The following TULP2 variants were observed in gnomAD, a reference collection of about 807,000 sequenced individuals.
TULP2 encodes the protein tubby-related protein 2.
Under a neutral mutation model 60.3 loss-of-function variants are expected in TULP2, and 64 were observed. That is an observed-to-expected ratio of 1.06 (90% CI 0.87 to 1.31). The LOEUF (loss-of-function observed/expected upper bound fraction) is 1.31, where lower values mean the gene tolerates loss of function less well. Among genes scored for constraint, TULP2 ranks in the 50% most tolerant of loss-of-function variants. The probability of loss-of-function intolerance (pLI) is 0.00; values close to 1 mark genes in which losing one functional copy is unlikely to be tolerated. For missense variants in TULP2, 652 were observed against 667.0 expected, an observed-to-expected ratio of 0.98 and a Z score of 0.25; for synonymous variants, 267 against 265.4, an observed-to-expected ratio of 1.01 and a Z score of -0.06.
Position 48,897,210 on chromosome 19 carries a change from T to C in TULP2, c.84+135A>G, listed in dbSNP as rs1194202052. 5.0e-6 allele frequency: 5 copies of C among 999,506 alleles called. No homozygotes were observed. In the African/African-American group the frequency reaches 8.1e-5, roughly 16 times the overall value. 61.9% of individuals were successfully genotyped at this position (999,506 alleles called of 1,614,324 possible). ...CGGCCCCAAATTCCTATTTTCTCAT[T>C]TCTCAGTGGGAAAACTCAAGGATGA... On this transcript the variant is annotated intron_variant, in intron 3 of 12. Coordinates refer to ENST00000221399, the MANE Select transcript of TULP2 (RefSeq NM_003323.3). This position sits in a 1 kb window ranked among gnomAD's most constrained non-coding sequence, Gnocchi z 4.0.
In TULP2 at chr19:48,887,995, C is replaced by T. The variant is rs748922758; in HGVS notation, c.903G>A (p.Leu301=). 5.6e-6 allele frequency: 9 copies of T among 1,614,164 alleles called. 1 individual carries two copies. Among genetic ancestry groups the T allele is most frequent in the Non-Finnish European group, 7.6e-6 (9 of 1,179,994 alleles). Residue 301 remains leucine (L), a synonymous_variant, in exon 8 of 13, where the codon TTG becomes TTA. Transcript: ENST00000221399. ...CCAGGTAGAGGTAGTAGAGGGGGAA[C>T]AAGCCCTTGTCCACGCCGTGCTTGT... is the stretch of plus-strand genomic sequence containing the variant. ...TRDKHGVDKG[L]FPLYYLYLET...
At chr19:48,894,090 T>C (rs536831598) in intron 6 of TULP2, among the ~76,000 whole-genome samples, 3 of 152,050 alleles carry the variant, frequency 2.0e-5, no homozygotes, top group East Asian at 3.9e-4. Context: ...TGGAGTACAG[T>C]GGCATGATCT....
chr19:48,894,450 G>A (rs551926354), intron 6 of TULP2, among the ~76,000 whole-genome samples: 3 of 152,182 alleles, frequency 2.0e-5, no homozygotes, highest in South Asian at 2.1e-4. Context: ...AGACCAGTCC[G>A]GCCAGCATGG....
chr19:48,883,218 CAAAA>C (rs1284152622), intron 11 of TULP2, among the ~76,000 whole-genome samples: 2 of 93,994 alleles, frequency 2.1e-5, no homozygotes, highest in Non-Finnish European at 2.2e-5. Context: ...GACTCTGTCT[CAAAA>C]AAAAAAAAAA....
In TULP2 at chr19:48,887,931, T is replaced by C. The variant is rs2123275613; in HGVS notation, c.948+19A>G. 6.2e-7 allele frequency: 1 copy of C among 1,600,562 alleles called. No individual in the cohort carries two copies. The highest frequency in any genetic ancestry group is 8.5e-7 in the Non-Finnish European group (1 of 1,169,928). On this transcript the variant is annotated intron_variant, in intron 8 of 12. Coordinates refer to ENST00000221399, the MANE Select transcript of TULP2 (RefSeq NM_003323.3). ...AGGTGGGGGCTTACTCCCAAAGCTG[T>C]TGGGCTGGCTTACTGCACCTGCAGG...
At position 48,895,190 on chromosome 19, in the gene TULP2, A is replaced by G. The variant is rs1378028998; in HGVS notation, c.350-28T>C. ...GAGGAAGGAAGGAGGGGAGAGTTGG[A>G]TTTCTGGATGCTGCAGGAGGAGGCG... On this transcript the variant is annotated intron_variant, in intron 5 of 12. Transcript: ENST00000221399. 6 of 1,608,430 alleles carry G rather than the reference A, an allele frequency of 3.7e-6. No individual in the cohort carries two copies. The African/African-American group carries it at 6.7e-5, about 18-fold the overall frequency.
Position 48,897,418 on chromosome 19 carries a change from G to C in TULP2, c.33-22C>G. 1 of 1,613,064 alleles carries C rather than the reference G, an allele frequency of 6.2e-7. No homozygotes were observed. The highest frequency in any genetic ancestry group is 8.5e-7 in the Non-Finnish European group (1 of 1,179,566). ...GATGCTGAGAGAGACACAGGCCCAT[G>C]GTGACAGTGCACAGGGAACCTCGGT... On this transcript the variant is annotated intron_variant, in intron 2 of 12. Transcript: ENST00000221399. The surrounding 1 kb of genome is among the most constrained non-coding windows in gnomAD (Gnocchi z 4.0).
chr19:48,895,260 T>A lies in TULP2; in HGVS notation c.350-98A>T. 5.1e-6 allele frequency: 8 copies of A among 1,573,212 alleles called. No homozygotes were observed. In the South Asian group the frequency reaches 9.5e-5, roughly 19 times the overall value. On this transcript the variant is annotated intron_variant, in intron 5 of 12. Coordinates refer to ENST00000221399, the MANE Select transcript of TULP2 (RefSeq NM_003323.3). ...TGGTGTGAGGAAGGAGTGGGTGCGG[T>A]CCTGAGCTCCTGAGTATTTTGGACA...
At chr19:48,887,311 C>CTTTTTTTTGTTTTT (rs2037189010) in intron 8 of TULP2, among the ~76,000 whole-genome samples, 1 of 39,330 alleles carries the variant, frequency 2.5e-5, no homozygotes. Flanking sequence ...GCGCCCAGCC[C>CTTTTTTTTGTTTTT]TTTTTTTTTT....
intron 11 of TULP2, among the ~76,000 whole-genome samples, chr19:48,883,324 G>A (rs2037151778): frequency 6.6e-6 from 1 of 151,852 alleles, no homozygotes; most frequent in South Asian, 2.1e-4. Context: ...AATCCACCTC[G>A]TTTAGCATAT....
chr19:48,897,392 G>C lies in TULP2; in HGVS notation c.37C>G (p.Leu13Val). ...QDNDTLMRDI[L>V]GHELAAMRLQ... ...CTCATAGCAGCGAGCTCATGCCCCA[G>C]GATGCTGAGAGAGACACAGGCCCAT... Residue 13 changes from leucine (L) to valine (V), a missense_variant, in exon 3 of 13, where the codon CTG (leucine) becomes GTG (valine). Physicochemically the swap from Leu to Val is conservative, Grantham distance 32. Coordinates refer to ENST00000221399, the MANE Select transcript of TULP2 (RefSeq NM_003323.3). The surrounding 1 kb of genome is among the most constrained non-coding windows in gnomAD (Gnocchi z 4.0). 1 of 1,613,714 alleles carries C rather than the reference G, an allele frequency of 6.2e-7. No homozygotes were observed.
chr19:48,884,115 G>T (rs2037159267), intron 9 of TULP2, 69 bp from the exon 10 acceptor site: 1 of 1,250,926 alleles, frequency 8.0e-7, no homozygotes, highest in South Asian at 1.2e-5. Flanking sequence ...GTCACTCATC[G>T]CATCGACTCT....
intron 11 of TULP2, 131 bp from the exon 12 acceptor site, chr19:48,882,334 G>T: frequency 1.0e-6 from 1 of 957,822 alleles, no homozygotes; most frequent in Non-Finnish European, 1.5e-6. Context: ...GATGAGACCT[G>T]CTGGGCTGCG....
chr19:48,897,776 G>T lies in TULP2; in HGVS notation c.32+61C>A. 2 of 1,561,932 alleles carry T rather than the reference G, an allele frequency of 1.3e-6. No individual in the cohort carries two copies. The highest frequency in any genetic ancestry group is 2.2e-5 in the East Asian group (1 of 44,480). On this transcript the variant is annotated intron_variant, in intron 2 of 12. Coordinates refer to ENST00000221399, the MANE Select transcript of TULP2 (RefSeq NM_003323.3). This position sits in a 1 kb window ranked among gnomAD's most constrained non-coding sequence, Gnocchi z 4.0. ...CAAACATGGTTATGAAGCCAGAGCCGAGTGCACGGGGTCCCCAGCCCTTTC... is the reference window on the plus strand; with the variant it reads ...CAAACATGGTTATGAAGCCAGAGCCTAGTGCACGGGGTCCCCAGCCCTTTC...
At chr19:48,898,039 C>G (rs969425687) in intron 1 of TULP2, among the ~76,000 whole-genome samples, 170 bp from the exon 2 acceptor site, 1 of 152,156 alleles carries the variant, frequency 6.6e-6, no homozygotes, top group Admixed American at 6.6e-5. Flanking sequence ...GTGGCGCCAT[C>G]TCGGCCACTG....
intron 12 of TULP2, 55 bp from the exon 13 acceptor site, chr19:48,881,181 C>T (rs980564267): frequency 3.6e-5 from 30 of 843,584 alleles, no homozygotes; most frequent in Admixed American, 2.2e-4. Context: ...CTCCCAGCTT[C>T]GAGAACTGAG....
At position 48,889,575 on chromosome 19, in the gene TULP2, G is replaced by T; in HGVS notation, c.571C>A (p.Pro191Thr). The T allele has an allele frequency of 6.3e-7, 1 of 1,587,930 alleles. No individual in the cohort carries two copies. The highest frequency in any genetic ancestry group is 8.6e-7 in the Non-Finnish European group (1 of 1,158,536). The part of the protein sequence containing the change: ...SQDMGDAHKS[P>T]NMGPNPGMDG... ...ATTCCAGGGTTTGGTCCCATATTGG[G>T]TGACTTGTGTGCATCTCCCATATCC... The change falls in exon 7 of 13, where the codon CCC becomes ACC. Residue 191 changes from proline (P) to threonine (T), a missense_variant. By Grantham distance (38) the Pro-to-Thr change is conservative. Coordinates refer to ENST00000221399, the MANE Select transcript of TULP2 (RefSeq NM_003323.3).
At chr19:48,887,174 G>A (rs961277049) in intron 8 of TULP2, among the ~76,000 whole-genome samples, 7 of 151,022 alleles carry the variant, frequency 4.6e-5, no homozygotes, top group African/African-American at 1.5e-4. Context: ...ACCACGCCTG[G>A]CTAACTTTTG....
At chr19:48,883,053 A>G (rs2037148827) in intron 11 of TULP2, among the ~76,000 whole-genome samples, 1 of 152,130 alleles carries the variant, frequency 6.6e-6, no homozygotes, top group Non-Finnish European at 1.5e-5. Context: ...CCCCGGCTCT[A>G]CTAAAAATAT....
Sources: allele counts gnomAD v4.1 joint callset (sites outside exome capture counted in the v4.1 genomes callset), GRCh38; gene constraint gnomAD v4.1.1; non-coding constraint Gnocchi (gnomAD v3.1); transcripts MANE v1.5; gene names NCBI Gene and HGNC (gene_info 2026-07-23, HGNC 2026-07-21).